ZNF599: variants seen among roughly 807,000 people sequenced by gnomAD.
The protein encoded by ZNF599 is zinc finger protein 599.
Under a neutral mutation model 11.7 loss-of-function variants are expected in ZNF599, and 10 were observed. That is an observed-to-expected ratio of 0.86 (90% CI 0.53 to 1.45). ZNF599 has a LOEUF of 1.45. ZNF599 is among the 40% of genes most tolerant of loss of function. ZNF599 has a pLI of 0.00. For missense variants in ZNF599, 688 were observed against 713.6 expected, an observed-to-expected ratio of 0.96 and a Z score of 0.41; for synonymous variants, 232 against 253.2, an observed-to-expected ratio of 0.92 and a Z score of 0.79.
chr19:34,803,199 C>G, the ZNF599 span, among the ~76,000 whole-genome samples: 1 of 152,106 alleles, frequency 6.6e-6, no homozygotes. Context: ...GAGGATAGGA[C>G]AGTGCAATGG....
chr19:34,760,183 T>C lies in ZNF599; in HGVS notation c.618A>G (p.Lys206=). Residue 206 remains lysine, a synonymous_variant, in exon 4 of 4, where the codon AAA becomes AAG. Coordinates refer to ENST00000329285, the MANE Select transcript of ZNF599 (RefSeq NM_001007248.3). ...CAAGGGCCCACTTCTTGCTAAACCC[T>C]TTCCCACATTCCGTGCATGTGTAAG... ...NNPYTCTECG[K]GFSKKWALVR... The C allele has an allele frequency of 6.2e-7, 1 of 1,614,186 alleles. No homozygotes were observed. Among genetic ancestry groups the C allele is most frequent in the Non-Finnish European group, 8.5e-7 (1 of 1,180,030 alleles).
At chr19:34,782,575 G>A in the ZNF599 span, among the ~76,000 whole-genome samples, 3 of 152,192 alleles carry the variant, frequency 2.0e-5, no homozygotes, top group East Asian at 5.8e-4. Context: ...CTTGGGGAGG[G>A]TACTGCTCAG....
the ZNF599 span, among the ~76,000 whole-genome samples, chr19:34,806,839 C>G: frequency 6.6e-6 from 1 of 152,164 alleles, no homozygotes; most frequent in African/African-American, 2.4e-5. Context: ...ATCTCTCCCT[C>G]AAATCTATGG....
At chr19:34,777,357 TA>T (rs574276534), upstream of ZNF599, among the ~76,000 whole-genome samples, 2,020 of 92,944 alleles carry the variant, frequency 0.022, 39 homozygotes, top group South Asian at 0.078. Context: ...ATATATTATA[TA>T]TTAATATATT....
chr19:34,801,444 C>A, the ZNF599 span, among the ~76,000 whole-genome samples: 4 of 152,218 alleles, frequency 2.6e-5, no homozygotes, highest in Admixed American at 6.5e-5. Flanking sequence ...TGGTGAGGAA[C>A]AAGTCCATAT....
intron 3 of ZNF599, among the ~76,000 whole-genome samples, chr19:34,760,797 G>A (rs1298208818): frequency 1.3e-5 from 2 of 152,158 alleles, no homozygotes; most frequent in South Asian, 2.1e-4. Context: ...AATGGAGACC[G>A]CTCCTCACTC....
intron 2 of ZNF599, among the ~76,000 whole-genome samples, chr19:34,768,328 C>T (rs914114613): frequency 1.9e-4 from 29 of 152,206 alleles, no homozygotes; most frequent in African/African-American, 6.5e-4. Context: ...GTTCCCCATA[C>T]ATCTCCTTTC....
the ZNF599 span, among the ~76,000 whole-genome samples, chr19:34,785,449 C>T: frequency 5.9e-5 from 9 of 152,316 alleles, 1 homozygote; most frequent in African/African-American, 2.2e-4. Context: ...TCCCAACCTT[C>T]AGGGCTCCCA....
At chr19:34,762,075 T>A (rs537325053) in intron 3 of ZNF599, among the ~76,000 whole-genome samples, 1 of 152,296 alleles carries the variant, frequency 6.6e-6, no homozygotes, top group Admixed American at 6.5e-5. Flanking sequence ...CTTAAATCTG[T>A]ATGTGCCAAA....
chr19:34,772,180 T>C (rs1380850199), intron 1 of ZNF599, among the ~76,000 whole-genome samples: 3 of 152,230 alleles, frequency 2.0e-5, no homozygotes, highest in Non-Finnish European at 4.4e-5. Flanking sequence ...GATTTGCTTT[T>C]CAAATACAAG....
Position 34,759,982 on chromosome 19 carries a change from GT to G in ZNF599, c.818del (p.His273ProfsTer31). ...GCTTATCTCCGGTGTGAATACGCTGGTGCTCCGTGAGGTGAAACCTGCGTTT... is the reference window on the plus strand; with the variant it reads ...GCTTATCTCCGGTGTGAATACGCTGGGCTCCGTGAGGTGAAACCTGCGTTT... ...AFKRRFHLTE[H>X]QRIHTGDKPY... On this transcript the variant is annotated frameshift_variant, in exon 4 of 4. Coordinates refer to ENST00000329285, the MANE Select transcript of ZNF599 (RefSeq NM_001007248.3). LOFTEE classifies it low-confidence loss of function (END_TRUNC). 1 of 1,614,066 alleles carries G rather than the reference GT, an allele frequency of 6.2e-7. No individual in the cohort carries two copies. Among genetic ancestry groups the G allele is most frequent in the Non-Finnish European group, 8.5e-7 (1 of 1,180,018 alleles).
At chr19:34,800,816 C>T in the ZNF599 span, among the ~76,000 whole-genome samples, 3 of 151,750 alleles carry the variant, frequency 2.0e-5, no homozygotes, top group Non-Finnish European at 2.9e-5. Flanking sequence ...GCTGGTCTTG[C>T]ACTCCTGACC....
rs866667123 is a variant in ZNF599 at position 34,759,833 on chromosome 19, C to G, written c.968G>C (p.Ser323Thr). Residue 323 changes from serine (S) to threonine (T), a missense_variant, in exon 4 of 4, where the codon AGC (serine) becomes ACC (threonine). By Grantham distance (58) the Ser-to-Thr change is moderately conservative. Coordinates refer to ENST00000329285, the MANE Select transcript of ZNF599 (RefSeq NM_001007248.3). ...CKECGKAFYY[S>T]SSFAQHMRIH... is the part of the protein sequence containing the mutation. ...CCTCATATGTTGAGCAAATGAGGAG[C>G]TGTAGTAAAAAGCTTTCCCACATTC... The G allele has an allele frequency of 1.2e-6, 2 of 1,613,986 alleles. No individual in the cohort carries two copies. Among genetic ancestry groups the G allele is most frequent in the African/African-American group, 1.3e-5 (1 of 74,902 alleles).
the ZNF599 span, among the ~76,000 whole-genome samples, chr19:34,807,338 G>A: frequency 1.3e-5 from 2 of 152,176 alleles, no homozygotes; most frequent in Admixed American, 6.5e-5. Flanking sequence ...ACCGTGATGC[G>A]AGCCTGTGGG....
At chr19:34,783,936 C>T in the ZNF599 span, among the ~76,000 whole-genome samples, 1 of 152,202 alleles carries the variant, frequency 6.6e-6, no homozygotes, top group African/African-American at 2.4e-5. Context: ...TGTTCATAGG[C>T]TTTCCACAAT....
At chr19:34,800,696 A>G in the ZNF599 span, among the ~76,000 whole-genome samples, 1 of 148,602 alleles carries the variant, frequency 6.7e-6, no homozygotes, top group African/African-American at 2.5e-5. Context: ...CCCGGGTCCA[A>G]GCAATTCTCC....
the ZNF599 span, among the ~76,000 whole-genome samples, chr19:34,794,056 C>T: frequency 6.6e-6 from 1 of 152,198 alleles, no homozygotes; most frequent in Non-Finnish European, 1.5e-5. Context: ...AGGGGAAAGT[C>T]ACATCTCATG....
chr19:34,772,962 T>C lies in ZNF599; in HGVS notation c.-121A>G. On this transcript the variant is annotated 5_prime_UTR_variant, in exon 1 of 4. Transcript: ENST00000329285. The stretch of plus-strand genomic sequence containing the variant: ...CCTCAGTCCCCGCCGTCGTGTAAAA[T>C]GCACACAAGGTTCGCGGCGCCGCCT... 2.4e-6 allele frequency: 3 copies of C among 1,225,358 alleles called. No homozygotes were observed. Among genetic ancestry groups the C allele is most frequent in the East Asian group, 3.1e-5 (1 of 32,698 alleles). 75.9% of individuals were successfully genotyped at this position (1,225,358 alleles called of 1,614,324 possible).
chr19:34,783,764 G>T, the ZNF599 span, among the ~76,000 whole-genome samples: 19,863 of 152,020 alleles, frequency 0.13, 1,376 homozygotes, highest in Middle Eastern at 0.2. Context: ...CAAACAAAAG[G>T]GCTCAGTCTT....
Sources: gnomAD v4.1 joint callset for allele counts (sites outside exome capture counted in the v4.1 genomes callset) on GRCh38, gnomAD v4.1.1 for gene constraint, MANE v1.5 for transcripts, NCBI Gene and HGNC (gene_info 2026-07-23, HGNC 2026-07-21) for gene names.